Variants in WFS1 observed in about 807,000 individuals in gnomAD.
WFS1 encodes the protein wolframin.
WFS1 carries 90 observed loss-of-function variants against 68.5 expected under a neutral mutation model. The ratio of observed to expected loss-of-function variants is 1.31; its 90% CI spans 1.11 to 1.56. WFS1 has a LOEUF of 1.56. Among genes scored for constraint, WFS1 ranks in the 40% most tolerant of loss-of-function variants. The pLI, the probability that WFS1 is intolerant of heterozygous loss-of-function variation, is 0.00. For synonymous variants in WFS1, 860 were observed against 540.7 expected (o/e 1.59, Z -8.19); for missense variants, 1,767 against 1,232.6 (o/e 1.43, Z -6.49).
chr4:6,292,578 C>T (rs4467645), intron 6 of WFS1, among the ~76,000 whole-genome samples: 97,192 of 151,876 alleles, frequency 0.64, 31,688 homozygotes, highest in East Asian at 0.93. Context: ...ACGTCACATC[C>T]TCCACGTGCA....
chr4:6,277,787 C>G, intron 2 of WFS1, 100 bp downstream of exon 2: 1 of 1,339,948 alleles, frequency 7.5e-7, no homozygotes, highest in Non-Finnish European at 1.0e-6. Flanking sequence ...GCCAGGTCCT[C>G]TGCAGTTCAG....
rs190219994 is a variant in WFS1 at position 6,288,816 on chromosome 4, G to C, written c.316-171G>C. The stretch of plus-strand genomic sequence containing the variant: ...CCGTGTTTTGAGGAGCGAGTGGCCG[G>C]AGGCTCAGTAGGGCCTAGCCTAGTG... On this transcript the variant is annotated intron_variant, in intron 3 of 7. Transcript: ENST00000226760. The C allele has an allele frequency of 1.0e-5, 10 of 987,476 alleles. No individual in the cohort carries two copies. The African/African-American group carries it at 1.4e-4, about 14-fold the overall frequency. The allele number at this position is 987,476 out of a possible 1,614,324, so 61.2% of individuals were successfully genotyped here.
chr4:6,282,926 G>A (rs979674327), intron 2 of WFS1, among the ~76,000 whole-genome samples: 1 of 152,228 alleles, frequency 6.6e-6, no homozygotes, highest in Non-Finnish European at 1.5e-5. Context: ...GCTTCCTCCT[G>A]GAATCCCCGT....
At position 6,295,087 on chromosome 4, in the gene WFS1, G is replaced by A. The variant is rs1204523623; in HGVS notation, c.759G>A (p.Lys253=). Residue 253 remains lysine, a synonymous_variant, in exon 7 of 8, where the codon AAG becomes AAA. Coordinates refer to ENST00000226760, the MANE Select transcript of WFS1 (RefSeq NM_006005.3). ...ALDDFVEITK[K]YAKGVIPSSL... is the part of the protein sequence containing the mutation. ...ATGACTTTGTGGAGATCACTAAGAA[G>A]TACGCCAAGGGCGTCATCCCCAGCA... 6.2e-7 allele frequency: 1 copy of A among 1,613,594 alleles called. No homozygotes were observed. The highest frequency in any genetic ancestry group is 2.2e-5 in the East Asian group (1 of 44,888).
chr4:6,291,081 C>G, intron 4 of WFS1, 116 bp from the exon 5 acceptor site: 1 of 1,223,136 alleles, frequency 8.2e-7, no homozygotes. Context: ...TAACCAAGTC[C>G]TGACACCTTC....
chr4:6,302,368 G>A lies in WFS1; in HGVS notation c.2573G>A (p.Arg858Lys), dbSNP rs760490249. ...LNCMAQLSPT[R>K]RHVKIEHDWR... is the part of the protein sequence containing the mutation. Reference sequence around the variant, plus strand: ...TGCATGGCCCAGCTCTCACCCACCAGGCGGCACGTGAAGATCGAGCACGAC... The same window carrying A: ...TGCATGGCCCAGCTCTCACCCACCAAGCGGCACGTGAAGATCGAGCACGAC... Residue 858 changes from arginine (R) to lysine (K), a missense_variant, in exon 8 of 8, where the codon AGG becomes AAG. Transcript: ENST00000226760. The A allele has an allele frequency of 6.2e-7, 1 of 1,613,108 alleles. No homozygotes were observed. The highest frequency in any genetic ancestry group is 1.1e-5 in the South Asian group (1 of 91,086).
In WFS1 at chr4:6,294,864, TCACC is replaced by T. The variant is rs1481225121; in HGVS notation, c.713-174_713-171del. Reference sequence around the variant, plus strand: ...CTTGGCAAACCTGCCCCCTTCCTCCTCACCCAGCCTGGTCCTCAACCCTCAGGCC... The same window carrying T: ...CTTGGCAAACCTGCCCCCTTCCTCCTCAGCCTGGTCCTCAACCCTCAGGCC... On this transcript the variant is annotated intron_variant, in intron 6 of 7. Coordinates refer to ENST00000226760, the MANE Select transcript of WFS1 (RefSeq NM_006005.3). 1.4e-5 allele frequency: 14 copies of T among 1,002,544 alleles called. No homozygotes were observed. In the Admixed American group the frequency reaches 1.7e-4, roughly 12 times the overall value. The allele number at this position is 1,002,544 out of a possible 1,614,324, so 62.1% of individuals were successfully genotyped here. A position where few individuals can be genotyped will look rare whatever the true frequency, so the allele number is the denominator to read the frequency against.
intron 4 of WFS1, 85 bp downstream of exon 4, chr4:6,289,216 C>T (rs1730396910): frequency 2.0e-6 from 3 of 1,485,140 alleles, no homozygotes; most frequent in Non-Finnish European, 1.8e-6. Context: ...TAAAATCTTA[C>T]CAAACCTAAC....
chr4:6,290,975 G>C lies in WFS1; in HGVS notation c.461-222G>C, dbSNP rs542813741. The stretch of plus-strand genomic sequence containing the variant: ...TCCCGCCAGCATGTAGGGGGCACTT[G>C]GGGGCGTCTGGTGGGAGACCAGTCT... On this transcript the variant is annotated intron_variant, in intron 4 of 7. Transcript: ENST00000226760. 6.4e-4 allele frequency among the ~76,000 whole-genome samples: 98 copies of C among 152,228 alleles called. 1 individual carries two copies. The highest frequency in any genetic ancestry group is 6.5e-4 in the Non-Finnish European group (44 of 68,042).
intron 7 of WFS1, among the ~76,000 whole-genome samples, chr4:6,299,734 G>GAC (rs1730792774): frequency 6.9e-6 from 1 of 144,986 alleles, no homozygotes; most frequent in African/African-American, 2.6e-5. Context: ...GTGAATGCGG[G>GAC]TAGGTTGCGT....
intron 7 of WFS1, among the ~76,000 whole-genome samples, chr4:6,298,412 CCT>C (rs1190832429): frequency 2.6e-5 from 4 of 152,262 alleles, no homozygotes; most frequent in African/African-American, 9.6e-5. Flanking sequence ...AGTGTGAGCG[CCT>C]CTCTGCTCAT....
chr4:6,302,043 G>A lies in WFS1; in HGVS notation c.2248G>A (p.Ala750Thr), dbSNP rs201335980. 24 of 1,612,830 alleles carry A rather than the reference G, an allele frequency of 1.5e-5. No individual in the cohort carries two copies. The Admixed American group carries it at 2.8e-4, about 19-fold the overall frequency. Residue 750 changes from alanine to threonine, a missense_variant, in exon 8 of 8, where the codon GCC (alanine) becomes ACC (threonine). Coordinates refer to ENST00000226760, the MANE Select transcript of WFS1 (RefSeq NM_006005.3). ...CTGCAGCCCTGGCAACACCTCCACG[G>A]CCGAGGAGGAGCTCTGTCGCCTTAA... ...PACSPGNTST[A>T]EEELCRLKLL...
chr4:6,295,635 C>T (rs1208253272), intron 7 of WFS1, among the ~76,000 whole-genome samples: 1 of 152,250 alleles, frequency 6.6e-6, no homozygotes, highest in Admixed American at 6.5e-5. Context: ...TGCAGAGGCG[C>T]CTACTGCCCC....
rs1730892028 is a variant in WFS1 at position 6,301,251 on chromosome 4, C to T, written c.1456C>T (p.Gln486Ter). 1.2e-6 allele frequency: 2 copies of T among 1,611,376 alleles called. No individual in the cohort carries two copies. The highest frequency in any genetic ancestry group is 2.2e-5 in the South Asian group (2 of 91,092). ...TTGGCCCTACCTGAAGGTCCTTGGC[C>T]AGACCTTCATCACCGTGCCTGTCGG... ...LNWPYLKVLG[Q>*]TFITVPVGHL... is the part of the protein sequence containing the mutation. The change falls in exon 8 of 8, where the codon CAG (glutamine) becomes TAG (stop). Residue 486 changes from glutamine (Q) to a stop codon, truncating the protein, a stop_gained. Coordinates refer to ENST00000226760, the MANE Select transcript of WFS1 (RefSeq NM_006005.3). LOFTEE classifies it high-confidence loss of function.
chr4:6,280,870 G>C (rs928387710), intron 2 of WFS1, among the ~76,000 whole-genome samples: 2 of 152,050 alleles, frequency 1.3e-5, no homozygotes, highest in Non-Finnish European at 2.9e-5. Context: ...GGTGAGATTC[G>C]GGAGCTTTCC....
chr4:6,275,543 A>AC (rs1429815678), intron 1 of WFS1, among the ~76,000 whole-genome samples: 120 of 120,132 alleles, frequency 1.0e-3, no homozygotes, highest in African/African-American at 3.6e-3. Context: ...TGGGGGATGC[A>AC]CCCGGGGGTG....
chr4:6,302,634 G>C lies in WFS1; in HGVS notation c.*166G>C, dbSNP rs1730998501. 6 of 956,076 alleles carry C rather than the reference G, an allele frequency of 6.3e-6. No homozygotes were observed. The East Asian group carries it at 1.6e-4, about 25-fold the overall frequency. The allele number at this position is 956,076 out of a possible 1,614,324, so 59.2% of individuals were successfully genotyped here. On this transcript the variant is annotated 3_prime_UTR_variant, in exon 8 of 8. Coordinates refer to ENST00000226760, the MANE Select transcript of WFS1 (RefSeq NM_006005.3). ...TAGATTGCGTGGACCCCGACAAAGG[G>C]AAGGCTGCTGTGTAGCTCTGTCCAC...
chr4:6,292,784 A>G (rs2109117833), intron 6 of WFS1, among the ~76,000 whole-genome samples: 1 of 152,266 alleles, frequency 6.6e-6, no homozygotes, highest in East Asian at 1.9e-4. Context: ...TCTGGGTGTC[A>G]GTTTCCCCTT....
chr4:6,284,287 C>A (rs902789679), intron 2 of WFS1, among the ~76,000 whole-genome samples: 4 of 152,094 alleles, frequency 2.6e-5, no homozygotes, highest in Non-Finnish European at 5.9e-5. Context: ...GCAGAAGAAT[C>A]GCTTGAACCC....
Sources: allele counts gnomAD v4.1 joint callset (sites outside exome capture counted in the v4.1 genomes callset), GRCh38; gene constraint gnomAD v4.1.1; transcripts MANE v1.5; gene names NCBI Gene and HGNC (gene_info 2026-07-23, HGNC 2026-07-21).